CCDC77: variants seen among roughly 807,000 people sequenced by gnomAD.
The protein encoded by CCDC77 is coiled-coil domain containing 77.
In CCDC77, 56 loss-of-function variants were observed where a neutral mutation model predicts 66.8. That is an observed-to-expected ratio of 0.84 (90% CI 0.68 to 1.05). The LOEUF (loss-of-function observed/expected upper bound fraction) is 1.05, where lower values mean the gene tolerates loss of function less well. Among genes scored for constraint, CCDC77 ranks in the 50% least tolerant of loss-of-function variants. The pLI, the probability that CCDC77 is intolerant of heterozygous loss-of-function variation, is 0.00. For synonymous variants in CCDC77, 196 were observed against 195.2 expected (o/e 1.00, Z -0.03); for missense variants, 570 against 576.8 (o/e 0.99, Z 0.12).
intron 5 of CCDC77, among the ~76,000 whole-genome samples, chr12:427,519 G>C (rs1648965373): frequency 6.8e-6 from 1 of 147,336 alleles, no homozygotes; most frequent in South Asian, 2.2e-4. Context: ...CTGTCGCCCA[G>C]GCCAGAGTGC....
chr12:390,760 C>CACACACACAT (rs1565558247), intron 1 of CCDC77, among the ~76,000 whole-genome samples: 1 of 151,740 alleles, frequency 6.6e-6, no homozygotes, highest in African/African-American at 2.4e-5. Flanking sequence ...CACACACACA[C>CACACACACAT]ATCTTATTGG....
At chr12:437,550 A>C (rs967564867) in intron 9 of CCDC77, among the ~76,000 whole-genome samples, 39 of 149,998 alleles carry the variant, frequency 2.6e-4, no homozygotes, top group African/African-American at 9.0e-4. Flanking sequence ...TTGATTTTTA[A>C]AAAAGTAGGC....
intron 5 of CCDC77, among the ~76,000 whole-genome samples, chr12:426,524 TGGGTAGGGAG>T (rs562432112): frequency 6.6e-6 from 1 of 152,308 alleles, no homozygotes; most frequent in East Asian, 1.9e-4. Flanking sequence ...TCGTCTTGAC[TGGGTAGGGAG>T]GGGCAGTTTC....
chr12:427,678 G>A lies in CCDC77; in HGVS notation c.414-1091G>A, dbSNP rs186214170. ...TTAGTAGAGACCAAGGTTTCACCAT[G>A]TTGGCCAGGCTGGTCTCGAACTCCT... On this transcript the variant is annotated intron_variant, in intron 5 of 12. Transcript: ENST00000239830. Among the ~76,000 whole-genome samples, 285 of 152,058 alleles carry A rather than the reference G, an allele frequency of 1.9e-3. 1 individual carries two copies. The highest frequency in any genetic ancestry group is 3.4e-3 in the Middle Eastern group (1 of 292).
chr12:442,127 C>T lies in CCDC77; in HGVS notation c.*207C>T. The T allele has an allele frequency of 3.5e-6, 2 of 574,920 alleles. No individual in the cohort carries two copies. The highest frequency in any genetic ancestry group is 4.6e-5 in the South Asian group (2 of 43,836). The allele number at this position is 574,920 out of a possible 1,614,324, so 35.6% of individuals were successfully genotyped here. A position where few individuals can be genotyped will look rare whatever the true frequency, so the allele number is the denominator to read the frequency against. On this transcript the variant is annotated 3_prime_UTR_variant, in exon 13 of 13. Coordinates refer to ENST00000239830, the MANE Select transcript of CCDC77 (RefSeq NM_032358.4). ...TTTATCATTTTTGCTGTCCTTTTAA[C>T]ACTTGCGAGGAGTAGGGGCCTGGTC...
In CCDC77 at chr12:405,916, C is replaced by CTT. The variant is rs34597637; in HGVS notation, c.-17+371_-17+372dup. 9.8e-3 allele frequency among the ~76,000 whole-genome samples: 1,312 copies of CTT among 133,918 alleles called. 18 individuals are homozygous for CTT. Among genetic ancestry groups the CTT allele is most frequent in the African/African-American group, 0.034 (1,201 of 35,842 alleles). The allele number at this position is 133,918 out of a possible 152,430, so 87.9% of individuals were successfully genotyped here. On this transcript the variant is annotated intron_variant, in intron 2 of 12. Coordinates refer to ENST00000239830, the MANE Select transcript of CCDC77 (RefSeq NM_032358.4). ...ATATTAGATGGTTATAAGTGTTCAA[C>CTT]TTTTTTTTTTTTTTTTTTTTAAGAG...
rs1945794907 is a variant in CCDC77, at chr12:438,421, G to A, written c.908G>A (p.Trp303Ter). 6.2e-7 allele frequency: 1 copy of A among 1,613,900 alleles called. No homozygotes were observed. Among genetic ancestry groups the A allele is most frequent in the East Asian group, 2.2e-5 (1 of 44,870 alleles). Residue 303 changes from tryptophan (W) to a stop codon, truncating the protein, a stop_gained, in exon 10 of 13, where the codon TGG (tryptophan) becomes TAG (stop). Transcript: ENST00000239830. LOFTEE classifies it high-confidence loss of function. ...GAAAACCAAAATAAAGAGAAGTCAT[G>A]GATGCTTGAAAAAGATAATTTGATG... ...RSENQNKEKS[W>*]MLEKDNLMSK... is the part of the protein sequence containing the mutation.
rs1565572116 is a variant in CCDC77 at position 423,470 on chromosome 12, G to GTGTTTTTTTTTTT, written c.413+4835_413+4836insGTTTTTTTTTTTT. Among the ~76,000 whole-genome samples, 8 of 44,876 alleles carry GTGTTTTTTTTTTT rather than the reference G, an allele frequency of 1.8e-4. 1 individual carries two copies. The highest frequency in any genetic ancestry group is 9.8e-4 in the South Asian group (1 of 1,022). The allele number at this position is 44,876 out of a possible 152,430, so 29.4% of individuals were successfully genotyped here. A position where few individuals can be genotyped will look rare whatever the true frequency, so the allele number is the denominator to read the frequency against. On this transcript the variant is annotated intron_variant, in intron 5 of 12. Transcript: ENST00000239830. The stretch of plus-strand genomic sequence containing the variant: ...TTGTTATTTTCTGGGTGTTTTTTGT[G>GTGTTTTTTTTTTT]TTTTTTGTGTTTTTTTTTGTTTTGT...
At position 409,368 on chromosome 12, in the gene CCDC77, G is replaced by A. The variant is rs758242970; in HGVS notation, c.-16G>A. The stretch of plus-strand genomic sequence containing the variant: ...TTATGAATTTTTGTGTATTTGATAG[G>A]TGTGAAAAAGACAGCATGAACTTTA... On this transcript the variant is annotated splice_region_variant and 5_prime_UTR_variant, in exon 3 of 13. The change creates a new upstream start codon in the 5' untranslated region. Transcript: ENST00000239830. The A allele has an allele frequency of 2.4e-5, 38 of 1,609,928 alleles. No individual in the cohort carries two copies. In the South Asian group the frequency reaches 4.1e-4, roughly 17 times the overall value.
chr12:401,592 C>T (rs1375530161), upstream of CCDC77: 1 of 152,276 alleles, frequency 6.6e-6, no homozygotes, highest in African/African-American at 2.4e-5. Flanking sequence ...TTCGCGATTG[C>T]ACGGATTCAG....
Position 440,733 on chromosome 12 carries a change from GATCTTCAAGGTACGAAATT to G in CCDC77, c.1163_1167+14del, listed in dbSNP as rs1381567779. ...GTGAGGAAGAGGGAATGAGGAGAGAGATCTTCAAGGTACGAAATTATCTGCCACTTGTAATGGAATAGGA... is the reference window on the plus strand; with the variant it reads ...GTGAGGAAGAGGGAATGAGGAGAGAGATCTGCCACTTGTAATGGAATAGGA... On this transcript the variant is annotated splice_donor_variant and splice_donor_5th_base_variant and coding_sequence_variant and intron_variant, in exon 11 of 13. Coordinates refer to ENST00000239830, the MANE Select transcript of CCDC77 (RefSeq NM_032358.4). LOFTEE classifies it high-confidence loss of function. The G allele has an allele frequency of 6.2e-7, 1 of 1,614,046 alleles. No individual in the cohort carries two copies. The highest frequency in any genetic ancestry group is 8.5e-7 in the Non-Finnish European group (1 of 1,180,044).
Position 433,175 on chromosome 12 carries a change from T to C in CCDC77, c.674T>C (p.Val225Ala), listed in dbSNP as rs746267574. The C allele has an allele frequency of 6.2e-7, 1 of 1,613,478 alleles. No homozygotes were observed. Among genetic ancestry groups the C allele is most frequent in the Admixed American group, 1.7e-5 (1 of 59,928 alleles). Residue 225 changes from valine to alanine, a missense_variant and splice_region_variant, in exon 9 of 13, where the codon GTG becomes GCG. Val to Ala is a moderately conservative substitution (Grantham distance 64, BLOSUM62 0). Coordinates refer to ENST00000239830, the MANE Select transcript of CCDC77 (RefSeq NM_032358.4). ...QRDIQTLILQVEALQAQLGEQ... is the reference protein window; with the variant it reads ...QRDIQTLILQAEALQAQLGEQ... ...CTCACCCCTTTTTGGCCTGTCTAGG[T>C]GGAAGCACTGCAGGCTCAGCTGGGA...
chr12:418,535 T>A lies in CCDC77; in HGVS notation c.312T>A (p.Ile104=). ...ATTTGCAGCAGAGGGAGGAAGAGAT[T>A]GCTGAATTGCAGAAAGCTCTAAGTG... is the stretch of plus-strand genomic sequence containing the variant. ...ECDLQQREEE[I]AELQKALSDM... is the part of the protein sequence containing the mutation. The change falls in exon 5 of 13, where the codon ATT becomes ATA. Residue 104 remains isoleucine, a synonymous_variant. Coordinates refer to ENST00000239830, the MANE Select transcript of CCDC77 (RefSeq NM_032358.4). 6.2e-7 allele frequency: 1 copy of A among 1,614,084 alleles called. No individual in the cohort carries two copies. The highest frequency in any genetic ancestry group is 2.2e-5 in the East Asian group (1 of 44,878).
chr12:441,988 C>A lies in CCDC77; in HGVS notation c.*68C>A. 1 of 1,538,550 alleles carries A rather than the reference C, an allele frequency of 6.5e-7. No individual in the cohort carries two copies. The highest frequency in any genetic ancestry group is 8.9e-7 in the Non-Finnish European group (1 of 1,118,472). ...TCTTGAAACCTGAGGACAAGGTCAT[C>A]TGCTGCCAGAAAATGTAAACCTGAG... On this transcript the variant is annotated 3_prime_UTR_variant, in exon 13 of 13. Transcript: ENST00000239830.
intron 4 of CCDC77, among the ~76,000 whole-genome samples, chr12:415,352 CATAATATT>C (rs1565567999): frequency 8.9e-5 from 11 of 123,224 alleles, no homozygotes; most frequent in South Asian, 5.5e-4. Context: ...ATATAATCAA[CATAATATT>C]ATGTTAATAT....
rs756843821 is a variant in CCDC77, at chr12:439,125, G to C, written c.1041+571G>C. On this transcript the variant is annotated intron_variant, in intron 10 of 12. Transcript: ENST00000239830. ...AATATTTATTGCACTCGTACTATGG[G>C]TTAGGCCCTAGAGTTACAGTAATCT... 4.6e-5 allele frequency among the ~76,000 whole-genome samples: 7 copies of C among 152,216 alleles called. No individual in the cohort carries two copies. In the Middle Eastern group the frequency reaches 0.014, roughly 296 times the overall value.
intron 1 of CCDC77, among the ~76,000 whole-genome samples, chr12:403,821 T>C (rs376890963): frequency 8.5e-5 from 13 of 152,352 alleles, no homozygotes; most frequent in African/African-American, 3.1e-4. Flanking sequence ...GACAGGGTCT[T>C]GCGCTGTTGT....
chr12:400,649 T>C (rs1206209004), upstream of CCDC77, among the ~76,000 whole-genome samples: 1 of 152,220 alleles, frequency 6.6e-6, no homozygotes, highest in Non-Finnish European at 1.5e-5. Context: ...ACAACATTTA[T>C]GAATTAAGTT....
intron 4 of CCDC77, among the ~76,000 whole-genome samples, chr12:412,593 C>T (rs2137551814): frequency 6.6e-6 from 1 of 152,310 alleles, no homozygotes; most frequent in African/African-American, 2.4e-5. Context: ...CACAACACCC[C>T]CAGCTGTGAC....
Sources: gnomAD v4.1 joint callset for allele counts (sites outside exome capture counted in the v4.1 genomes callset) on GRCh38, gnomAD v4.1.1 for gene constraint, MANE v1.5 for transcripts, NCBI Gene and HGNC (gene_info 2026-07-23, HGNC 2026-07-21) for gene names.